The following FANCA variants were observed in gnomAD, a reference collection of about 807,000 sequenced individuals.
FANCA encodes the protein FA complementation group A, also known as Fanconi anemia group A protein.
FANCA carries 236 observed loss-of-function variants against 194.3 expected under a neutral mutation model. The observed-to-expected ratio is 1.21, with a 90% CI of 1.09 to 1.35. FANCA has a LOEUF of 1.35. Among genes scored for constraint, FANCA ranks in the 40% most tolerant of loss-of-function variants. The probability of loss-of-function intolerance (pLI) is 0.00; values close to 1 mark genes in which losing one functional copy is unlikely to be tolerated. For synonymous variants in FANCA, 1,014 were observed against 715.8 expected (o/e 1.42, Z -6.65); for missense variants, 2,628 against 1,813.9 (o/e 1.45, Z -8.15).
chr16:89,737,810 G>C lies in FANCA; in HGVS notation c.*791C>G, dbSNP rs757278617. ...CACTGGACTCTCCCCTCTCAGAGGTGCGGAACTATATCTGTGACGAATGTG... is the reference window on the plus strand; with the variant it reads ...CACTGGACTCTCCCCTCTCAGAGGTCCGGAACTATATCTGTGACGAATGTG... On this transcript the variant is annotated 3_prime_UTR_variant, in exon 43 of 43. Coordinates refer to ENST00000389301, the MANE Select transcript of FANCA (RefSeq NM_000135.4). The C allele has an allele frequency of 6.2e-7, 1 of 1,614,184 alleles. No individual in the cohort carries two copies. Among genetic ancestry groups the C allele is most frequent in the East Asian group, 2.2e-5 (1 of 44,874 alleles).
At chr16:89,756,790 T>A (rs2038782063) in intron 30 of FANCA, among the ~76,000 whole-genome samples, 1 of 152,050 alleles carries the variant, frequency 6.6e-6, no homozygotes, top group Non-Finnish European at 1.5e-5. Context: ...AATAATCCAG[T>A]TTCTCAGACA....
intron 3 of FANCA, among the ~76,000 whole-genome samples, chr16:89,813,806 CTG>C (rs71137678): frequency 0.01 from 1,498 of 149,448 alleles, 6 homozygotes; most frequent in Middle Eastern, 0.024. Context: ...AAGTCTTTTA[CTG>C]TGTGTGTGTG....
intron 10 of FANCA, among the ~76,000 whole-genome samples, chr16:89,797,530 C>T (rs2143570038): frequency 6.6e-6 from 1 of 152,190 alleles, no homozygotes; most frequent in East Asian, 1.9e-4. Context: ...ACACCACAGC[C>T]CCCAGTGTGC....
At chr16:89,758,489 G>C in intron 30 of FANCA, 88 bp downstream of exon 30, 1 of 1,521,896 alleles carries the variant, frequency 6.6e-7, no homozygotes, top group Non-Finnish European at 9.1e-7. Context: ...TAATTAGATG[G>C]GCACCAGCAT....
At chr16:89,741,711 C>G (rs2062137866) in intron 37 of FANCA, among the ~76,000 whole-genome samples, 1 of 152,170 alleles carries the variant, frequency 6.6e-6, no homozygotes, top group Non-Finnish European at 1.5e-5. Context: ...TTTCCCTATG[C>G]CTATGGCTGC....
At position 89,805,395 on chromosome 16, in the gene FANCA, G is replaced by T; in HGVS notation, c.597-3C>A. The T allele has an allele frequency of 2.5e-6, 4 of 1,610,572 alleles. No homozygotes were observed. The highest frequency in any genetic ancestry group is 3.4e-6 in the Non-Finnish European group (4 of 1,176,982). On this transcript the variant is annotated splice_region_variant and splice_polypyrimidine_tract_variant and intron_variant, in intron 6 of 42. Transcript: ENST00000389301. ...CCACAGCATGCATGTCGGGATGGCT[G>T]GAGACACACACAGAGGCAGACGTAA...
chr16:89,772,385 G>T (rs946342446), intron 22 of FANCA, among the ~76,000 whole-genome samples: 1 of 152,240 alleles, frequency 6.6e-6, no homozygotes, highest in East Asian at 1.9e-4. Flanking sequence ...GACCGCCAAG[G>T]CGCTGCAGCC....
Position 89,739,142 on chromosome 16 carries a change from G to C in FANCA, c.4158C>G (p.Leu1386=), listed in dbSNP as rs1366841040. Residue 1386 remains leucine (L), a synonymous_variant, in exon 41 of 43, where the codon CTC becomes CTG. Coordinates refer to ENST00000389301, the MANE Select transcript of FANCA (RefSeq NM_000135.4). ...VSPPAGRSLE[L]KGQGNPVELI... Reference sequence around the variant, plus strand: ...TGGCCCTTGCACCTGCCTGACCCTTGAGCTCCAGGCTCCTGCCAGCTGGAG... The same window carrying C: ...TGGCCCTTGCACCTGCCTGACCCTTCAGCTCCAGGCTCCTGCCAGCTGGAG... 2 of 1,614,114 alleles carry C rather than the reference G, an allele frequency of 1.2e-6. No homozygotes were observed. The highest frequency in any genetic ancestry group is 1.7e-6 in the Non-Finnish European group (2 of 1,180,020).
Position 89,740,807 on chromosome 16 carries a change from T to C in FANCA, c.3825A>G (p.Ser1275=), listed in dbSNP as rs886052480. ...TGGCTGGTAAGGTCTGACTTACATTTGAGGTCAGATGTGACGACAGCAGGC... is the reference window on the plus strand; with the variant it reads ...TGGCTGGTAAGGTCTGACTTACATTCGAGGTCAGATGTGACGACAGCAGGC... ...LMGLLSSHLT[S]NSTTDLPKAF... The change falls in exon 38 of 43, where the codon TCA becomes TCG. Residue 1275 remains serine (S), a synonymous_variant. Transcript: ENST00000389301. 3.1e-6 allele frequency: 5 copies of C among 1,613,360 alleles called. No individual in the cohort carries two copies. The highest frequency in any genetic ancestry group is 4.2e-6 in the Non-Finnish European group (5 of 1,179,570).
rs71137677 is a variant in FANCA, at chr16:89,812,646, C to CAAAAAAAAAAAAAAAAAAAAA, written c.284-1596_284-1576dup. On this transcript the variant is annotated intron_variant, in intron 3 of 42. Transcript: ENST00000389301. Reference sequence around the variant, plus strand: ...GGGTAACAAGAGCAATACTCCGTCTCAAAAAAAAAAAAAAAAAAAAAAAAC... The same window carrying CAAAAAAAAAAAAAAAAAAAAA: ...GGGTAACAAGAGCAATACTCCGTCTCAAAAAAAAAAAAAAAAAAAAAAAAAAAAAAAAAAAAAAAAAAAAAC... Among the ~76,000 whole-genome samples the CAAAAAAAAAAAAAAAAAAAAA allele has an allele frequency of 1.2e-3, 49 of 42,280 alleles. 1 individual carries two copies. The highest frequency in any genetic ancestry group is 2.2e-3 in the Non-Finnish European group (39 of 17,586). The allele number at this position is 42,280 out of a possible 152,430, so 27.7% of individuals were successfully genotyped here. A position where few individuals can be genotyped will look rare whatever the true frequency, so the allele number is the denominator to read the frequency against.
At chr16:89,764,300 T>C (rs917332466) in intron 28 of FANCA, among the ~76,000 whole-genome samples, 3 of 152,208 alleles carry the variant, frequency 2.0e-5, no homozygotes, top group African/African-American at 7.2e-5. Flanking sequence ...AGGGTTTCTC[T>C]GTATTTATTA....
At position 89,742,818 on chromosome 16, in the gene FANCA, C is replaced by T. The variant is rs2062169669; in HGVS notation, c.3747G>A (p.Leu1249=). ...ATCTTGCCTCCTCTCTCTCGCAGTCCAGCTTCTTTAGCTGCTTCCTGATGT... is the reference window on the plus strand; with the variant it reads ...ATCTTGCCTCCTCTCTCTCGCAGTCTAGCTTCTTTAGCTGCTTCCTGATGT... ...EENIRKQLKK[L]DCEREELLVF... Residue 1249 remains leucine (L), a synonymous_variant, in exon 37 of 43, where the codon CTG becomes CTA. Transcript: ENST00000389301. The T allele has an allele frequency of 6.2e-7, 1 of 1,614,146 alleles. No individual in the cohort carries two copies. The highest frequency in any genetic ancestry group is 1.1e-5 in the South Asian group (1 of 91,086).
At chr16:89,802,606 T>C (rs2143610097) in intron 8 of FANCA, among the ~76,000 whole-genome samples, 1 of 151,942 alleles carries the variant, frequency 6.6e-6, no homozygotes, top group Admixed American at 6.6e-5. Flanking sequence ...GATTTTACCA[T>C]GTTAGCCAGG....
rs772245102 is a variant in FANCA, at chr16:89,816,003, G to C, written c.80-17C>G. 4 of 1,590,794 alleles carry C rather than the reference G, an allele frequency of 2.5e-6. No individual in the cohort carries two copies. The highest frequency in any genetic ancestry group is 2.2e-5 in the East Asian group (1 of 44,736). On this transcript the variant is annotated splice_polypyrimidine_tract_variant and intron_variant, in intron 1 of 42. Transcript: ENST00000389301. ...CCCTTCCCGCTACGGAGAGAAGTCG[G>C]TTCGAAACCATCACAGCACAATTCA...
rs546714967 is a variant in FANCA at position 89,745,092 on chromosome 16, C to A, written c.3514-21G>T. 3 of 1,574,684 alleles carry A rather than the reference C, an allele frequency of 1.9e-6. No individual in the cohort carries two copies. The South Asian group carries it at 3.5e-5, about 18-fold the overall frequency. On this transcript the variant is annotated intron_variant, in intron 35 of 42. Transcript: ENST00000389301. ...CACACCTATGGAGAGAGCACCAGCA[C>A]ACAGATGAGGGTGGCTGAGATGGAC... is the stretch of plus-strand genomic sequence containing the variant.
intron 22 of FANCA, 143 bp from the exon 23 acceptor site, chr16:89,771,957 C>T (rs945753090): frequency 2.0e-6 from 2 of 1,005,768 alleles, no homozygotes; most frequent in African/African-American, 3.2e-5. Context: ...TGCTGAACAC[C>T]AGTGTTTGTT....
At chr16:89,752,803 C>T (rs1005255795) in intron 30 of FANCA, among the ~76,000 whole-genome samples, 2 of 152,156 alleles carry the variant, frequency 1.3e-5, no homozygotes, top group Admixed American at 6.5e-5. Context: ...GGAAGACGCC[C>T]GTCACCAAGC....
At chr16:89,751,819 G>T (rs990000478) in intron 31 of FANCA, among the ~76,000 whole-genome samples, 2 of 150,466 alleles carry the variant, frequency 1.3e-5, no homozygotes, top group African/African-American at 4.9e-5. Flanking sequence ...CGCCCAGGCT[G>T]GAGTGCAGTG....
At chr16:89,805,779 G>GTTGT (rs10672491) in intron 6 of FANCA, among the ~76,000 whole-genome samples, 80,383 of 151,648 alleles carry the variant, frequency 0.53, 23,494 homozygotes, top group East Asian at 0.98. Context: ...GACTCATTAT[G>GTTGT]TTAACTTTCA....
Sources: gnomAD v4.1 joint callset for allele counts (sites outside exome capture counted in the v4.1 genomes callset) on GRCh38, gnomAD v4.1.1 for gene constraint, MANE v1.5 for transcripts, NCBI Gene and HGNC (gene_info 2026-07-23, HGNC 2026-07-21) for gene names.